Variants in OSBPL6 observed in about 807,000 individuals in gnomAD.
OSBPL6 encodes oxysterol binding protein like 6, also known as oxysterol-binding protein-related protein 6.
Under a neutral mutation model 125.8 loss-of-function variants are expected in OSBPL6, and 49 were observed. The ratio of observed to expected loss-of-function variants is 0.39; its 90% CI spans 0.31 to 0.49. The LOEUF is 0.49. Among genes scored for constraint, OSBPL6 ranks in the 20% least tolerant of loss-of-function variants. OSBPL6 has a pLI of 0.88. For missense variants in OSBPL6, 986 were observed against 1,135.4 expected, an observed-to-expected ratio of 0.87 and a Z score of 1.89; for synonymous variants, 394 against 391.8, an observed-to-expected ratio of 1.01 and a Z score of -0.07.
chr2:178,292,923 A>G (rs1685415659), intron 2 of OSBPL6, among the ~76,000 whole-genome samples: 2 of 152,300 alleles, frequency 1.3e-5, no homozygotes, highest in South Asian at 4.1e-4. Context: ...TTTCATGTTT[A>G]GAATACCAAA....
chr2:178,309,896 A>C (rs1490610640), intron 3 of OSBPL6, among the ~76,000 whole-genome samples: 4 of 152,236 alleles, frequency 2.6e-5, no homozygotes, highest in Non-Finnish European at 5.9e-5. Context: ...AATGCTTGCC[A>C]CTTGAGATGT....
Position 178,352,048 on chromosome 2 carries a change from T to A in OSBPL6, c.1153+2659T>A, listed in dbSNP as rs191866255. Among the ~76,000 whole-genome samples the A allele has an allele frequency of 2.0e-3, 299 of 152,286 alleles. 1 individual carries two copies. The highest frequency in any genetic ancestry group is 6.6e-3 in the African/African-American group (274 of 41,558). On this transcript the variant is annotated intron_variant, in intron 12 of 24. Transcript: ENST00000190611. ...GAAATATACAGATTCAATATAATTCTTATCAAAATGCTAATGGCACTCTTC... is the reference window on the plus strand; with the variant it reads ...GAAATATACAGATTCAATATAATTCATATCAAAATGCTAATGGCACTCTTC...
chr2:178,383,310 G>A (rs1694654980), intron 17 of OSBPL6, 33 bp downstream of exon 17: 1 of 1,603,556 alleles, frequency 6.2e-7, no homozygotes, highest in Non-Finnish European at 8.5e-7. Flanking sequence ...GCGCCCCTCA[G>A]GGATTTGCCA....
chr2:178,359,006 C>CA (rs1411207715), intron 12 of OSBPL6, among the ~76,000 whole-genome samples: 1 of 151,818 alleles, frequency 6.6e-6, no homozygotes, highest in Non-Finnish European at 1.5e-5. Flanking sequence ...TCCATCTCCA[C>CA]AAAAAATAAA....
rs1689198909 is a variant in OSBPL6 at position 178,331,581 on chromosome 2, A to G, written c.348A>G (p.Leu116=). The change falls in exon 6 of 25, where the codon TTA becomes TTG. Residue 116 remains leucine, a synonymous_variant. Coordinates refer to ENST00000190611, the MANE Select transcript of OSBPL6 (RefSeq NM_032523.4). The part of the protein sequence containing the change: ...KRFFVLDNGM[L]KYSKAPLDIQ... Reference sequence around the variant, plus strand: ...TTTTTGTCCTGGATAATGGAATGTTAAAGTATTCAAAGGCACCACTCGATG... The same window carrying G: ...TTTTTGTCCTGGATAATGGAATGTTGAAGTATTCAAAGGCACCACTCGATG... 3.1e-6 allele frequency: 5 copies of G among 1,614,134 alleles called. No homozygotes were observed. Among genetic ancestry groups the G allele is most frequent in the Non-Finnish European group, 4.2e-6 (5 of 1,179,982 alleles).
chr2:178,200,146 A>G (rs1444746371), intron 1 of OSBPL6, among the ~76,000 whole-genome samples: 2 of 151,184 alleles, frequency 1.3e-5, no homozygotes, highest in Non-Finnish European at 2.9e-5. Context: ...GGAGCTTTTT[A>G]GTTGCTTCTT....
chr2:178,221,811 T>A, intron 1 of OSBPL6, among the ~76,000 whole-genome samples: 1 of 152,202 alleles, frequency 6.6e-6, no homozygotes, highest in African/African-American at 2.4e-5. Flanking sequence ...ATGTTTTAGA[T>A]ACTGTTACCT....
intron 1 of OSBPL6, among the ~76,000 whole-genome samples, chr2:178,260,872 G>T (rs1478373382): frequency 6.6e-6 from 1 of 152,180 alleles, no homozygotes; most frequent in Non-Finnish European, 1.5e-5. Context: ...TAGGCCAGAT[G>T]CGGTGGCTCA....
At chr2:178,250,635 C>T (rs1164258770) in intron 1 of OSBPL6, among the ~76,000 whole-genome samples, 1 of 152,176 alleles carries the variant, frequency 6.6e-6, no homozygotes, top group Non-Finnish European at 1.5e-5. Context: ...CCGGCTGTTC[C>T]TCCTGCCTGA....
intron 15 of OSBPL6, among the ~76,000 whole-genome samples, chr2:178,374,830 T>A (rs762636016): frequency 2.6e-5 from 4 of 152,230 alleles, no homozygotes; most frequent in Non-Finnish European, 5.9e-5. Flanking sequence ...TAGTTGTTTT[T>A]GGATGTTTGA....
At chr2:178,385,892 G>C (rs1055610616) in intron 19 of OSBPL6, among the ~76,000 whole-genome samples, 2 of 152,130 alleles carry the variant, frequency 1.3e-5, no homozygotes, top group African/African-American at 4.8e-5. Context: ...CTGAAGGAAG[G>C]CTCTATGACA....
intron 1 of OSBPL6, among the ~76,000 whole-genome samples, chr2:178,208,284 TAAAA>T (rs538044941): frequency 8.9e-6 from 1 of 111,760 alleles, no homozygotes. Flanking sequence ...AGACTCTGTC[TAAAA>T]AAAAAAAAAA....
chr2:178,362,484 A>G (rs954953786), intron 13 of OSBPL6, among the ~76,000 whole-genome samples: 21 of 152,274 alleles, frequency 1.4e-4, no homozygotes, highest in African/African-American at 5.1e-4. Flanking sequence ...AGAAGTAAGT[A>G]TTTTCTTTAG....
rs1011552842 is a variant in OSBPL6, at chr2:178,194,670, T to G, written c.-355T>G. The G allele has an allele frequency of 2.6e-5, 4 of 152,232 alleles. No homozygotes were observed. The highest frequency in any genetic ancestry group is 9.7e-5 in the African/African-American group (4 of 41,430). The allele number at this position is 152,232 out of a possible 1,614,324, so 9.4% of individuals were successfully genotyped here. ...GAGTCCGCGGCGCCACCGCTCGCCC[T>G]CCAGGTAGGTGTCCTAGCTGCAAAG... On this transcript the variant is annotated 5_prime_UTR_variant, in exon 1 of 25. Transcript: ENST00000190611.
chr2:178,206,914 CTGT>C (rs1235192427), intron 1 of OSBPL6, among the ~76,000 whole-genome samples: 1 of 152,006 alleles, frequency 6.6e-6, no homozygotes, highest in African/African-American at 2.4e-5. Flanking sequence ...CACACCCAGC[CTGT>C]TGTTGTTTTT....
intron 1 of OSBPL6, among the ~76,000 whole-genome samples, chr2:178,204,010 T>C (rs2089396856): frequency 6.7e-6 from 1 of 148,854 alleles, no homozygotes; most frequent in African/African-American, 2.5e-5. Context: ...ACTGAATTCT[T>C]TTCTTTTTCT....
intron 11 of OSBPL6, among the ~76,000 whole-genome samples, chr2:178,342,927 A>C (rs1690345816): frequency 6.6e-6 from 1 of 152,194 alleles, no homozygotes; most frequent in South Asian, 2.1e-4. Flanking sequence ...GGGTGAGAAT[A>C]AGTTCTTCCC....
At position 178,398,524 on chromosome 2, in the gene OSBPL6, CTTTTGCTGTTA is replaced by C. The variant is rs1376241034; in HGVS notation, c.*2970_*2980del. 1.3e-5 allele frequency: 2 copies of C among 152,140 alleles called. No individual in the cohort carries two copies. The highest frequency in any genetic ancestry group is 4.8e-5 in the African/African-American group (2 of 41,450). 9.4% of individuals were successfully genotyped at this position (152,140 alleles called of 1,614,324 possible). A position where few individuals can be genotyped will look rare whatever the true frequency, so the allele number is the denominator to read the frequency against. On this transcript the variant is annotated 3_prime_UTR_variant, in exon 25 of 25. Coordinates refer to ENST00000190611, the MANE Select transcript of OSBPL6 (RefSeq NM_032523.4). Reference sequence around the variant, plus strand: ...GTCACCCAGGGTGCAGATTTACTCTCTTTTGCTGTTATTTTATTGTTTTTCTTAAATTAAGC... The same window carrying C: ...GTCACCCAGGGTGCAGATTTACTCTCTTTTATTGTTTTTCTTAAATTAAGC...
At chr2:178,368,274 G>C (rs1051907336) in intron 13 of OSBPL6, among the ~76,000 whole-genome samples, 8 of 152,146 alleles carry the variant, frequency 5.3e-5, no homozygotes, top group African/African-American at 1.7e-4. Context: ...AGGCAAAAGG[G>C]GGAGGATGCG....
Sources: allele counts gnomAD v4.1 joint callset (sites outside exome capture counted in the v4.1 genomes callset), GRCh38; gene constraint gnomAD v4.1.1; transcripts MANE v1.5; gene names NCBI Gene and HGNC (gene_info 2026-07-23, HGNC 2026-07-21).